POLA2: variants seen among roughly 807,000 people sequenced by gnomAD.
POLA2 encodes the protein DNA polymerase alpha 2, accessory subunit, also known as DNA polymerase alpha subunit B.
In POLA2, 47 loss-of-function variants were observed where a neutral mutation model predicts 82.8. The ratio of observed to expected loss-of-function variants is 0.57; its 90% CI spans 0.45 to 0.72. POLA2 has a LOEUF of 0.72. POLA2 is among the 30% of genes least tolerant of loss of function. The pLI, the probability that POLA2 is intolerant of heterozygous loss-of-function variation, is 0.00. For missense variants in POLA2, 634 were observed against 728.1 expected, an observed-to-expected ratio of 0.87 and a Z score of 1.49; for synonymous variants, 287 against 286.8, an observed-to-expected ratio of 1.00 and a Z score of -0.01.
At chr11:65,272,731 G>T (rs557874469) in intron 4 of POLA2, among the ~76,000 whole-genome samples, 1 of 152,136 alleles carries the variant, frequency 6.6e-6, no homozygotes, top group Non-Finnish European at 1.5e-5. Context: ...TGATGAAACC[G>T]GCCACTGCGG....
chr11:65,297,858 G>T lies in POLA2; in HGVS notation c.*589G>T, dbSNP rs1373148113. The T allele has an allele frequency of 6.6e-6, 1 of 152,350 alleles. No individual in the cohort carries two copies. The highest frequency in any genetic ancestry group is 1.9e-4 in the East Asian group (1 of 5,192). The allele number at this position is 152,350 out of a possible 1,614,324, so 9.4% of individuals were successfully genotyped here. On this transcript the variant is annotated 3_prime_UTR_variant, in exon 18 of 18. Transcript: ENST00000265465. The stretch of plus-strand genomic sequence containing the variant: ...GTGGAGATGGGGTTTCACCATGTTA[G>T]CCAGGATGGTCTCGATCTCCTGACC...
intron 10 of POLA2, among the ~76,000 whole-genome samples, chr11:65,287,413 C>T (rs1949708275): frequency 6.6e-6 from 1 of 152,184 alleles, no homozygotes; most frequent in Non-Finnish European, 1.5e-5. Context: ...AACGTGTTAG[C>T]AAATTCCACC....
Position 65,297,782 on chromosome 11 carries a change from C to G in POLA2, c.*513C>G, listed in dbSNP as rs1000870986. The G allele has an allele frequency of 2.0e-5, 3 of 152,366 alleles. No homozygotes were observed. In the South Asian group the frequency reaches 6.2e-4, roughly 31 times the overall value. 9.4% of individuals were successfully genotyped at this position (152,366 alleles called of 1,614,324 possible). A position where few individuals can be genotyped will look rare whatever the true frequency, so the allele number is the denominator to read the frequency against. On this transcript the variant is annotated 3_prime_UTR_variant, in exon 18 of 18. Coordinates refer to ENST00000265465, the MANE Select transcript of POLA2 (RefSeq NM_002689.4). ...TCTCCTGCCTCAGCCTCCTGAGTAG[C>G]TGGGACTACAGGCACCCACCACCAC...
chr11:65,289,811 A>G lies in POLA2; in HGVS notation c.1183A>G (p.Thr395Ala). 6.2e-7 allele frequency: 1 copy of G among 1,608,310 alleles called. No homozygotes were observed. Among genetic ancestry groups the G allele is most frequent in the Non-Finnish European group, 8.5e-7 (1 of 1,174,842 alleles). ...KHEQVENCLL[T>A]SPFEDIFKQC... ...TCCTTTCTTGCAGAATTGTCTACTGACAAGTCCATTTGAAGACATTTTCAA... is the reference window on the plus strand; with the variant it reads ...TCCTTTCTTGCAGAATTGTCTACTGGCAAGTCCATTTGAAGACATTTTCAA... Residue 395 changes from threonine (T) to alanine (A), a missense_variant, in exon 13 of 18, where the codon ACA becomes GCA. Thr to Ala is a moderately conservative substitution (Grantham distance 58, BLOSUM62 0). Transcript: ENST00000265465.
At chr11:65,285,087 T>C (rs1382375472) in intron 10 of POLA2, among the ~76,000 whole-genome samples, 4 of 151,990 alleles carry the variant, frequency 2.6e-5, no homozygotes, top group African/African-American at 9.7e-5. Flanking sequence ...CTGGGCAACA[T>C]GGTGAAACCT....
At chr11:65,262,443 C>A (rs1949409840) in intron 1 of POLA2, 72 bp downstream of exon 1, 2 of 1,304,728 alleles carry the variant, frequency 1.5e-6, no homozygotes, top group African/African-American at 3.0e-5. Context: ...CGCCTAGAAC[C>A]GAAAGTGGAG....
chr11:65,304,653 G>A (rs1378448134), intron 8 of POLA2, among the ~76,000 whole-genome samples: 3 of 152,238 alleles, frequency 2.0e-5, no homozygotes, highest in Non-Finnish European at 2.9e-5. Context: ...AGACATCACA[G>A]CTGAGAGCCA....
At chr11:65,268,082 C>T (rs549723237) in intron 3 of POLA2, among the ~76,000 whole-genome samples, 4 of 151,710 alleles carry the variant, frequency 2.6e-5, no homozygotes, top group East Asian at 3.9e-4. Context: ...CGTGAGTCAC[C>T]GTGCCCGGCC....
intron 7 of POLA2, 67 bp downstream of exon 7, chr11:65,279,693 C>G: frequency 9.2e-7 from 1 of 1,090,814 alleles, no homozygotes; most frequent in East Asian, 2.5e-5. Context: ...CAAGAGGCAT[C>G]CTTCTTGCTT....
chr11:65,262,066 G>A lies in POLA2; in HGVS notation c.-227G>A, dbSNP rs897588456. The A allele has an allele frequency of 5.4e-6, 3 of 560,728 alleles. No individual in the cohort carries two copies. Among genetic ancestry groups the A allele is most frequent in the Non-Finnish European group, 9.5e-6 (3 of 316,778 alleles). The allele number at this position is 560,728 out of a possible 1,614,324, so 34.7% of individuals were successfully genotyped here. A position where few individuals can be genotyped will look rare whatever the true frequency, so the allele number is the denominator to read the frequency against. On this transcript the variant is annotated 5_prime_UTR_variant, in exon 1 of 18. Transcript: ENST00000265465. Reference sequence around the variant, plus strand: ...GATTTCTGCTCCCTCCATTCAGGGCGTTTGGGAGCCACCCCTTCATTTTTT... The same window carrying A: ...GATTTCTGCTCCCTCCATTCAGGGCATTTGGGAGCCACCCCTTCATTTTTT...
chr11:65,280,797 A>T (rs1359106022), intron 7 of POLA2, 195 bp from the exon 8 acceptor site: 3 of 570,360 alleles, frequency 5.3e-6, no homozygotes, highest in Non-Finnish European at 9.3e-6. Flanking sequence ...GGATGGGTGG[A>T]CAAGATGCCC....
intron 5 of POLA2, 120 bp downstream of exon 5, chr11:65,276,118 A>G (rs536485527): frequency 4.0e-6 from 2 of 498,674 alleles, no homozygotes; most frequent in Non-Finnish European, 7.1e-6. Context: ...GTACCTCTGC[A>G]GTGAATTGGC....
At chr11:65,279,964 G>A (rs1949623287) in intron 7 of POLA2, 1 of 222,928 alleles carries the variant, frequency 4.5e-6, no homozygotes, top group South Asian at 1.0e-4. Flanking sequence ...AGCAGCGACG[G>A]TGGGGTTTTC....
intron 4 of POLA2, among the ~76,000 whole-genome samples, chr11:65,273,630 A>T (rs984259199): frequency 6.6e-6 from 1 of 152,120 alleles, no homozygotes; most frequent in African/African-American, 2.4e-5. Context: ...AGTTTGAGAA[A>T]ATGTGTTAAA....
At chr11:65,305,384 C>T in exon 9 of POLA2, 1 of 456,230 alleles carries the variant, frequency 2.2e-6, no homozygotes, top group South Asian at 1.5e-5. Context: ...TTTTGCCTTT[C>T]AGATGGACAA....
intron 9 of POLA2, 39 bp from the exon 10 acceptor site, chr11:65,282,440 T>C (rs768020933): frequency 1.3e-6 from 2 of 1,598,244 alleles, no homozygotes; most frequent in Non-Finnish European, 1.7e-6. Flanking sequence ...AGGTGATGCC[T>C]GGCGCAAGAC....
chr11:65,264,229 G>A lies in POLA2; in HGVS notation c.79+1858G>A, dbSNP rs552953004. Among the ~76,000 whole-genome samples, 149 of 152,110 alleles carry A rather than the reference G, an allele frequency of 9.8e-4. 1 individual carries two copies. The highest frequency in any genetic ancestry group is 3.3e-3 in the African/African-American group (136 of 41,508). On this transcript the variant is annotated intron_variant, in intron 1 of 17. Transcript: ENST00000265465. The stretch of plus-strand genomic sequence containing the variant: ...ATTACAGGCTCCCGCCACCACGCCC[G>A]GCTAATTTTTTGTATTTTTAGTAGA...
rs1949838464 is a variant in POLA2 at position 65,298,604 on chromosome 11, G to C, written c.*1335G>C. 6.6e-6 allele frequency: 1 copy of C among 152,234 alleles called. No individual in the cohort carries two copies. Among genetic ancestry groups the C allele is most frequent in the South Asian group, 2.1e-4 (1 of 4,832 alleles). 9.4% of individuals were successfully genotyped at this position (152,234 alleles called of 1,614,324 possible). A position where few individuals can be genotyped will look rare whatever the true frequency, so the allele number is the denominator to read the frequency against. On this transcript the variant is annotated 3_prime_UTR_variant, in exon 18 of 18. Transcript: ENST00000265465. Reference sequence around the variant, plus strand: ...GATGACCTAACAGTGGCCAACTTTTGCCTCTCACCTTTCTGACGGTGAAAT... The same window carrying C: ...GATGACCTAACAGTGGCCAACTTTTCCCTCTCACCTTTCTGACGGTGAAAT...
chr11:65,295,372 CTG>C (rs947535017), intron 15 of POLA2, among the ~76,000 whole-genome samples, 166 bp from the exon 16 acceptor site: 1 of 152,180 alleles, frequency 6.6e-6, no homozygotes, highest in Non-Finnish European at 1.5e-5. Context: ...TGGGGACAGA[CTG>C]AGCTCCTTGT....
Sources: gnomAD v4.1 joint callset for allele counts (sites outside exome capture counted in the v4.1 genomes callset) on GRCh38, gnomAD v4.1.1 for gene constraint, MANE v1.5 for transcripts, NCBI Gene and HGNC (gene_info 2026-07-23, HGNC 2026-07-21) for gene names.